The following KCTD16 variants were observed in gnomAD, a reference collection of about 807,000 sequenced individuals.
KCTD16 encodes the protein BTB/POZ domain-containing protein KCTD16.
KCTD16 carries 13 observed loss-of-function variants against 33.2 expected under a neutral mutation model. The observed-to-expected ratio is 0.39, with a 90% CI of 0.25 to 0.62. The LOEUF (loss-of-function observed/expected upper bound fraction) is 0.62. KCTD16 is among the 20% of genes least tolerant of loss of function. The probability of loss-of-function intolerance (pLI) is 0.50; values close to 1 mark genes in which losing one functional copy is unlikely to be tolerated. For synonymous variants in KCTD16, 197 were observed against 195.3 expected (o/e 1.01, Z -0.07); for missense variants, 441 against 525.1 (o/e 0.84, Z 1.57).
rs139523743 is a variant in KCTD16, at chr5:144,267,304, C to A, written c.832+59758C>A. ...AACTTTCTGTACCTCAGTTTCCTTG[C>A]TTATTAACTGTGGATAATGATTGTT... On this transcript the variant is annotated intron_variant, in intron 3 of 3. Coordinates refer to ENST00000512467, the MANE Select transcript of KCTD16 (RefSeq NM_020768.4). 4.3e-3 allele frequency among the ~76,000 whole-genome samples: 660 copies of A among 152,204 alleles called. 6 individuals carry two copies. Among genetic ancestry groups the A allele is most frequent in the African/African-American group, 0.015 (632 of 41,524 alleles).
chr5:144,393,449 G>A (rs1752495034), intron 3 of KCTD16, among the ~76,000 whole-genome samples: 2 of 152,158 alleles, frequency 1.3e-5, no homozygotes, highest in Admixed American at 1.3e-4. Flanking sequence ...CTGGTCAGGT[G>A]ACTTTCTAGC....
chr5:144,179,760 T>C (rs551819407), intron 2 of KCTD16, among the ~76,000 whole-genome samples: 59 of 152,334 alleles, frequency 3.9e-4, no homozygotes, highest in African/African-American at 1.4e-3. Flanking sequence ...AGAAACTCTA[T>C]TAGAAGAGAG....
chr5:144,274,985 G>A (rs1429521202), intron 3 of KCTD16, among the ~76,000 whole-genome samples: 1 of 152,076 alleles, frequency 6.6e-6, no homozygotes, highest in Non-Finnish European at 1.5e-5. Flanking sequence ...CCTTCCTCTG[G>A]TAATATGTAT....
intron 2 of KCTD16, among the ~76,000 whole-genome samples, chr5:144,183,045 TAA>T (rs199836614): frequency 7.2e-6 from 1 of 138,526 alleles, no homozygotes; most frequent in Non-Finnish European, 1.6e-5. Context: ...TAATGAAACA[TAA>T]AAAAAAAAAA....
intron 3 of KCTD16, among the ~76,000 whole-genome samples, chr5:144,262,757 A>G (rs940038421): frequency 1.3e-5 from 2 of 152,156 alleles, no homozygotes; most frequent in East Asian, 3.9e-4. Flanking sequence ...AGAAATCTTC[A>G]GTTTATTTGA....
chr5:144,290,950 A>G (rs1438581150), intron 3 of KCTD16, among the ~76,000 whole-genome samples: 1 of 152,232 alleles, frequency 6.6e-6, no homozygotes, highest in Admixed American at 6.5e-5. Context: ...TCTTGGTTCA[A>G]AAGTATTTTA....
rs529733711 is a variant in KCTD16, at chr5:144,306,220, A to G, written c.832+98674A>G. Among the ~76,000 whole-genome samples the G allele has an allele frequency of 2.6e-5, 4 of 152,356 alleles. No individual in the cohort carries two copies. The South Asian group carries it at 8.3e-4, about 32-fold the overall frequency. On this transcript the variant is annotated intron_variant, in intron 3 of 3. Coordinates refer to ENST00000512467, the MANE Select transcript of KCTD16 (RefSeq NM_020768.4). ...GTTCTAGGGCTTGAGCAGAGAAGGT[A>G]ACAGTTCGACTTCACTCCTAAATCA... is the stretch of plus-strand genomic sequence containing the variant.
intron 3 of KCTD16, among the ~76,000 whole-genome samples, chr5:144,427,235 G>A (rs1753352059): frequency 6.6e-6 from 1 of 151,450 alleles, no homozygotes; most frequent in Non-Finnish European, 1.5e-5. Context: ...AAATGAGGTT[G>A]CTGGTTTGAA....
chr5:144,293,509 A>G (rs1755952185), intron 3 of KCTD16, among the ~76,000 whole-genome samples: 1 of 152,200 alleles, frequency 6.6e-6, no homozygotes, highest in Non-Finnish European at 1.5e-5. Context: ...TTCTTATGGC[A>G]TTACTCTCTC....
chr5:144,183,174 G>A (rs1752661808), intron 2 of KCTD16, among the ~76,000 whole-genome samples: 1 of 152,138 alleles, frequency 6.6e-6, no homozygotes, highest in African/African-American at 2.4e-5. Context: ...ACTTATTGGT[G>A]TTTTGTGTTT....
intron 3 of KCTD16, among the ~76,000 whole-genome samples, chr5:144,329,994 C>G (rs1249710606): frequency 6.6e-6 from 1 of 152,142 alleles, no homozygotes; most frequent in Non-Finnish European, 1.5e-5. Flanking sequence ...TGCTCCAATT[C>G]TAAATTCACC....
At chr5:144,208,626 C>T (rs1272894425) in intron 3 of KCTD16, among the ~76,000 whole-genome samples, 2 of 152,170 alleles carry the variant, frequency 1.3e-5, no homozygotes, top group South Asian at 2.1e-4. Context: ...ATCTAAATTT[C>T]TTTAAACATA....
At chr5:144,238,840 G>A (rs118162859) in intron 3 of KCTD16, among the ~76,000 whole-genome samples, 14 of 152,216 alleles carry the variant, frequency 9.2e-5, no homozygotes, top group East Asian at 5.8e-4. Flanking sequence ...CTTATTGAGC[G>A]CATCCTTATT....
intron 3 of KCTD16, among the ~76,000 whole-genome samples, chr5:144,455,628 T>G (rs976751581): frequency 3.9e-5 from 6 of 152,044 alleles, no homozygotes; most frequent in Non-Finnish European, 8.8e-5. Flanking sequence ...GACTGAAGGA[T>G]GGGTTGACTG....
At chr5:144,183,292 CAAAAT>C (rs1289069657) in intron 2 of KCTD16, among the ~76,000 whole-genome samples, 1 of 152,080 alleles carries the variant, frequency 6.6e-6, no homozygotes, top group Non-Finnish European at 1.5e-5. Flanking sequence ...AACATGGTCT[CAAAAT>C]AAAATAATTT....
intron 3 of KCTD16, among the ~76,000 whole-genome samples, chr5:144,352,016 C>A (rs42244): frequency 7.9e-5 from 12 of 152,008 alleles, no homozygotes; most frequent in Non-Finnish European, 1.5e-4. Context: ...ATTGCTAAGA[C>A]AGTAGATTTT....
intron 3 of KCTD16, among the ~76,000 whole-genome samples, chr5:144,305,441 G>A (rs921385920): frequency 6.6e-6 from 1 of 152,178 alleles, no homozygotes; most frequent in African/African-American, 2.4e-5. Context: ...AATCTGACTG[G>A]TGTCTTTATA....
intron 3 of KCTD16, among the ~76,000 whole-genome samples, chr5:144,418,630 G>C (rs1245711823): frequency 3.3e-5 from 5 of 152,122 alleles, no homozygotes; most frequent in Admixed American, 1.3e-4. Flanking sequence ...TTAGGTATAT[G>C]GGTTGCAGTA....
chr5:144,337,527 G>C (rs1752520247), intron 3 of KCTD16, among the ~76,000 whole-genome samples: 2 of 151,876 alleles, frequency 1.3e-5, no homozygotes, highest in South Asian at 4.1e-4. Flanking sequence ...TTAATGTGAT[G>C]TAAGTGTTAC....
Sources: gnomAD v4.1 joint callset for allele counts (sites outside exome capture counted in the v4.1 genomes callset) on GRCh38, gnomAD v4.1.1 for gene constraint, MANE v1.5 for transcripts, NCBI Gene and HGNC (gene_info 2026-07-23, HGNC 2026-07-21) for gene names.